Variants in NGB observed in about 807,000 individuals in gnomAD.
NGB encodes the protein nitrite reductase.
A neutral mutation model predicts 17.3 loss-of-function variants in NGB; 12 were observed. The observed-to-expected ratio is 0.69, with a 90% CI of 0.45 to 1.13. The LOEUF (loss-of-function observed/expected upper bound fraction) is 1.13, where lower values mean the gene tolerates loss of function less well. Among genes scored for constraint, NGB ranks in the 50% most tolerant of loss-of-function variants. The probability of loss-of-function intolerance (pLI) is 0.00; values close to 1 mark genes in which losing one functional copy is unlikely to be tolerated. For synonymous variants in NGB, 87 were observed against 81.0 expected (o/e 1.07, Z -0.40); for missense variants, 195 against 191.7 (o/e 1.02, Z -0.10).
intron 2 of NGB, 149 bp downstream of exon 2, chr14:77,269,066 C>T: frequency 1.7e-6 from 1 of 582,640 alleles, no homozygotes; most frequent in Non-Finnish European, 3.1e-6. Flanking sequence ...CAGACCAATC[C>T]AGCCCAGAGG....
At chr14:77,268,339 A>G in intron 3 of NGB, 127 bp downstream of exon 3, 1 of 976,456 alleles carries the variant, frequency 1.0e-6, no homozygotes, top group Non-Finnish European at 1.5e-6. Flanking sequence ...TAACAGATGC[A>G]GGCCCGCAGC....
Position 77,270,916 on chromosome 14 carries a change from G to T in NGB, c.22C>A (p.Leu8Met). The T allele has an allele frequency of 6.4e-7, 1 of 1,569,586 alleles. No homozygotes were observed. Among genetic ancestry groups the T allele is most frequent in the East Asian group, 2.3e-5 (1 of 42,758 alleles). Reference protein sequence around the residue: MERPEPELIRQSWRAVSR... With the variant: MERPEPEMIRQSWRAVSR... ...ACTGCCCGCCAGCTCTGCCGGATCA[G>T]CTCGGGCTCCGGGCGCTCCATGCTG... The change falls in exon 1 of 4, where the codon CTG (leucine) becomes ATG (methionine). Residue 8 changes from leucine to methionine, a missense_variant. Transcript: ENST00000298352.
intron 1 of NGB, among the ~76,000 whole-genome samples, chr14:77,269,782 TCC>T (rs1491092662): frequency 2.7e-4 from 12 of 44,638 alleles, no homozygotes; most frequent in East Asian, 5.9e-4. Flanking sequence ...TCTCTCTCTC[TCC>T]CTCTCCCTCT....
Position 77,270,703 on chromosome 14 carries a change from C to G in NGB, c.89+146G>C. 4.2e-6 allele frequency: 3 copies of G among 715,438 alleles called. No homozygotes were observed. In the Admixed American group the frequency reaches 7.5e-5, roughly 18 times the overall value. The allele number at this position is 715,438 out of a possible 1,614,324, so 44.3% of individuals were successfully genotyped here. ...GGGGCTGTGCCACCCGTCGCCGCGC[C>G]CCGCTCCTCTGGCGCACATCTGGCA... On this transcript the variant is annotated intron_variant, in intron 1 of 3. Transcript: ENST00000298352.
intron 3 of NGB, among the ~76,000 whole-genome samples, chr14:77,267,786 G>A (rs896528671): frequency 4.6e-5 from 7 of 152,056 alleles, no homozygotes; most frequent in African/African-American, 7.2e-5. Flanking sequence ...CATATCAGTC[G>A]CCCCCAGTGG....
At chr14:77,267,325 G>A (rs1351091733) in intron 3 of NGB, among the ~76,000 whole-genome samples, 2 of 152,162 alleles carry the variant, frequency 1.3e-5, no homozygotes, top group Non-Finnish European at 2.9e-5. Flanking sequence ...CAGACCACTT[G>A]AGCCCAGGAG....
At chr14:77,269,730 T>A (rs866251712) in intron 1 of NGB, among the ~76,000 whole-genome samples, 1 of 2,858 alleles carries the variant, frequency 3.5e-4, no homozygotes, top group Non-Finnish European at 7.2e-4. Flanking sequence ...CTCTCTCTTC[T>A]CTCTCTCTCT....
chr14:77,269,548 TGTCCCAGGGCCTCTGGTAAGCAGGG>T (rs1889722964), intron 1 of NGB, among the ~76,000 whole-genome samples: 1 of 152,156 alleles, frequency 6.6e-6, no homozygotes. Flanking sequence ...AGGGCAAATG[TGTCCCAGGGCCTCTGGTAAGCAGGG>T]GTCCCTCGGT....
chr14:77,266,714 G>T, intron 3 of NGB, 44 bp from the exon 4 acceptor site: 1 of 1,602,314 alleles, frequency 6.2e-7, no homozygotes, highest in Non-Finnish European at 8.5e-7. Flanking sequence ...AGGCAGAAAG[G>T]CACTGCTCCA....
At chr14:77,269,671 T>G (rs1026209440) in intron 1 of NGB, among the ~76,000 whole-genome samples, 7 of 1,774 alleles carry the variant, frequency 3.9e-3, no homozygotes, top group African/African-American at 0.019. Flanking sequence ...AAGCCCTTTC[T>G]CTCTCTCTCT....
chr14:77,266,344 T>C lies in NGB; in HGVS notation c.*192A>G. The C allele has an allele frequency of 1.2e-6, 1 of 835,464 alleles. No homozygotes were observed. The highest frequency in any genetic ancestry group is 2.4e-5 in the East Asian group (1 of 41,216). 51.8% of individuals were successfully genotyped at this position (835,464 alleles called of 1,614,324 possible). Reference sequence around the variant, plus strand: ...GATGAGGGGACACCCAGAAGCCCCTTCCTGGAGGAAAAGCCACTCCTTCTG... The same window carrying C: ...GATGAGGGGACACCCAGAAGCCCCTCCCTGGAGGAAAAGCCACTCCTTCTG... On this transcript the variant is annotated 3_prime_UTR_variant, in exon 4 of 4. Transcript: ENST00000298352.
In NGB at chr14:77,271,085, C is replaced by T. The variant is rs1889771586; in HGVS notation, c.-148G>A. 3.6e-6 allele frequency: 2 copies of T among 554,272 alleles called. No homozygotes were observed. The highest frequency in any genetic ancestry group is 2.0e-5 in the African/African-American group (1 of 49,622). The allele number at this position is 554,272 out of a possible 1,614,324, so 34.3% of individuals were successfully genotyped here. A position where few individuals can be genotyped will look rare whatever the true frequency, so the allele number is the denominator to read the frequency against. ...CCGCCCGGCGGGGGCCGCAGCCGCT[C>T]CTTCCCTGGCGCGGGAGAGAAAAGG... On this transcript the variant is annotated 5_prime_UTR_variant, in exon 1 of 4. Transcript: ENST00000298352.
At chr14:77,268,732 T>C in intron 2 of NGB, 147 bp from the exon 3 acceptor site, 1 of 1,096,082 alleles carries the variant, frequency 9.1e-7, no homozygotes, top group Non-Finnish European at 1.3e-6. Context: ...GCAGCCTGTG[T>C]CTACTACATG....
intron 1 of NGB, 145 bp downstream of exon 1, chr14:77,270,704 C>T (rs1889762302): frequency 6.9e-6 from 5 of 721,936 alleles, no homozygotes; most frequent in Non-Finnish European, 9.0e-6. Context: ...TCGCCGCGCC[C>T]CGCTCCTCTG....
chr14:77,269,169 G>T, intron 2 of NGB, 46 bp downstream of exon 2: 2 of 1,217,030 alleles, frequency 1.6e-6, no homozygotes, highest in Non-Finnish European at 2.4e-6. Context: ...CCAGGGAGGT[G>T]CTCTGCTGGA....
chr14:77,269,702 C>T (rs1467293146), intron 1 of NGB, among the ~76,000 whole-genome samples: 7 of 1,272 alleles, frequency 5.5e-3, no homozygotes, highest in African/African-American at 0.015. Context: ...CTCTCTCTCT[C>T]TCTCTCTCTC....
chr14:77,269,772 T>C (rs1213257361), intron 1 of NGB, among the ~76,000 whole-genome samples: 3 of 39,434 alleles, frequency 7.6e-5, no homozygotes, highest in Non-Finnish European at 8.7e-5. Flanking sequence ...TCTCTCTCTC[T>C]CTCTCTCTCT....
intron 1 of NGB, among the ~76,000 whole-genome samples, chr14:77,270,356 T>C (rs1889754305): frequency 6.6e-6 from 1 of 151,790 alleles, no homozygotes; most frequent in African/African-American, 2.4e-5. Flanking sequence ...GTTTGTCTTG[T>C]TGGTTGTCAG....
At position 77,270,994 on chromosome 14, in the gene NGB, C is replaced by T; in HGVS notation, c.-57G>A. The T allele has an allele frequency of 7.8e-7, 1 of 1,286,386 alleles. No homozygotes were observed. Among genetic ancestry groups the T allele is most frequent in the Non-Finnish European group, 1.0e-6 (1 of 955,562 alleles). 79.7% of individuals were successfully genotyped at this position (1,286,386 alleles called of 1,614,324 possible). On this transcript the variant is annotated 5_prime_UTR_variant, in exon 1 of 4. The change creates a new upstream start codon in the 5' untranslated region. Coordinates refer to ENST00000298352, the MANE Select transcript of NGB (RefSeq NM_021257.4). ...GACCCTCAGGGCTCGGGTGCCGTCA[C>T]CGCACGTGCCGCGCCATCTCCTCCG...
Sources: allele counts gnomAD v4.1 joint callset (sites outside exome capture counted in the v4.1 genomes callset), GRCh38; gene constraint gnomAD v4.1.1; transcripts MANE v1.5; gene names NCBI Gene and HGNC (gene_info 2026-07-23, HGNC 2026-07-21).